The following KIF5C variants were observed in gnomAD, a reference collection of about 807,000 sequenced individuals.
KIF5C encodes kinesin family member 5C.
A neutral mutation model predicts 125.2 loss-of-function variants in KIF5C; 18 were observed. The ratio of observed to expected loss-of-function variants is 0.14; its 90% CI spans 0.10 to 0.21. The LOEUF is 0.21. Among genes scored for constraint, KIF5C ranks in the 10% least tolerant of loss-of-function variants. The pLI, the probability that KIF5C is intolerant of heterozygous loss-of-function variation, is 1.00. For synonymous variants in KIF5C, 405 were observed against 434.0 expected (o/e 0.93, Z 0.83); for missense variants, 780 against 1,183.8 (o/e 0.66, Z 5.01).
Position 148,950,004 on chromosome 2 carries a change from A to G in KIF5C, c.819+61A>G, listed in dbSNP as rs112276457. 7.7e-4 allele frequency: 1,199 copies of G among 1,552,404 alleles called. 9 individuals are homozygous for G. The African/African-American group carries it at 0.015, about 20-fold the overall frequency. ...ATGAGAAACCACCTTTTGGGGCCTCATAGTCCCTTTGCCACACACCCCAAA... is the reference window on the plus strand; with the variant it reads ...ATGAGAAACCACCTTTTGGGGCCTCGTAGTCCCTTTGCCACACACCCCAAA... On this transcript the variant is annotated intron_variant, in intron 9 of 25. Transcript: ENST00000435030.
chr2:148,875,591 C>T lies in KIF5C; in HGVS notation c.-27C>T, dbSNP rs1558866671. On this transcript the variant is annotated 5_prime_UTR_variant, in exon 1 of 26. Coordinates refer to ENST00000435030, the MANE Select transcript of KIF5C (RefSeq NM_004522.3). ...CCGGCCCCGGCCCCCCACCCATCCC[C>T]GTGCCCCCTCCCTACCGCCGGCCGA... The T allele has an allele frequency of 1.4e-6, 2 of 1,385,730 alleles. No individual in the cohort carries two copies. Among genetic ancestry groups the T allele is most frequent in the Non-Finnish European group, 2.0e-6 (2 of 1,005,438 alleles). 85.8% of individuals were successfully genotyped at this position (1,385,730 alleles called of 1,614,324 possible).
intron 11 of KIF5C, among the ~76,000 whole-genome samples, chr2:148,968,229 T>G (rs1173868543): frequency 3.9e-5 from 6 of 152,180 alleles, no homozygotes; most frequent in Non-Finnish European, 5.9e-5. Context: ...GCTGAAGTCA[T>G]GCAAAGAAAT....
intron 1 of KIF5C, among the ~76,000 whole-genome samples, chr2:148,896,054 A>G (rs1468422209): frequency 6.6e-6 from 1 of 152,172 alleles, no homozygotes; most frequent in African/African-American, 2.4e-5. Context: ...TTCAACAGTT[A>G]AATTTTGGGG....
At chr2:148,931,705 C>A (rs928609613) in intron 3 of KIF5C, among the ~76,000 whole-genome samples, 1 of 152,040 alleles carries the variant, frequency 6.6e-6, no homozygotes, top group Non-Finnish European at 1.5e-5. Flanking sequence ...AAAACCAAAA[C>A]CAAAAACAAA....
chr2:148,875,569 G>GCCCCCGCCCCCCCCCCCCC lies in KIF5C; in HGVS notation c.-45_-44insCGCCCCCCCCCCCCCCCCC. 3 of 689,868 alleles carry GCCCCCGCCCCCCCCCCCCC rather than the reference G, an allele frequency of 4.3e-6. No homozygotes were observed. The highest frequency in any genetic ancestry group is 4.2e-5 in the Admixed American group (2 of 47,388). 42.7% of individuals were successfully genotyped at this position (689,868 alleles called of 1,614,324 possible). Reference sequence around the variant, plus strand: ...GCGGCCTCCTCCCTCGTCGTTCCCGGCCCCGGCCCCCCACCCATCCCCGTG... The same window carrying GCCCCCGCCCCCCCCCCCCC: ...GCGGCCTCCTCCCTCGTCGTTCCCGGCCCCCGCCCCCCCCCCCCCCCCCGGCCCCCCACCCATCCCCGTG... On this transcript the variant is annotated 5_prime_UTR_variant, in exon 1 of 26. Transcript: ENST00000435030.
rs970346237 is a variant in KIF5C at position 149,010,173 on chromosome 2, C to T, written c.2589C>T (p.Pro863=). Residue 863 remains proline (P), a synonymous_variant, in exon 24 of 26, where the codon CCC becomes CCT. Coordinates refer to ENST00000435030, the MANE Select transcript of KIF5C (RefSeq NM_004522.3). Reference sequence around the variant, plus strand: ...ACGCAGACCTGCGCTGTGAACTGCCCAAGCTGGAGAAGCGGCTGCGTGCCA... The same window carrying T: ...ACGCAGACCTGCGCTGTGAACTGCCTAAGCTGGAGAAGCGGCTGCGTGCCA... The part of the protein sequence containing the change: ...RDNADLRCEL[P]KLEKRLRATA... 6.4e-7 allele frequency: 1 copy of T among 1,552,932 alleles called. No homozygotes were observed. The highest frequency in any genetic ancestry group is 1.4e-5 in the African/African-American group (1 of 73,106).
chr2:148,930,625 A>G (rs2105092686), intron 3 of KIF5C, among the ~76,000 whole-genome samples: 1 of 152,306 alleles, frequency 6.6e-6, no homozygotes, highest in African/African-American at 2.4e-5. Context: ...GCACGAGGCT[A>G]AAATCCTCAG....
Position 148,875,668 on chromosome 2 carries a change from C to A in KIF5C, c.51C>A (p.Pro17=), listed in dbSNP as rs371243025. ...TCAAAGTGATGTGCCGGTTCCGGCC[C>A]CTCAACGAAGCGGAGATCCTCCGCG... The part of the protein sequence containing the change: ...CSIKVMCRFR[P]LNEAEILRGD... Residue 17 remains proline (P), a synonymous_variant, in exon 1 of 26, where the codon CCC becomes CCA. Coordinates refer to ENST00000435030, the MANE Select transcript of KIF5C (RefSeq NM_004522.3). The A allele has an allele frequency of 1.1e-5, 18 of 1,578,968 alleles. No homozygotes were observed. The highest frequency in any genetic ancestry group is 1.5e-5 in the Non-Finnish European group (18 of 1,162,700).
chr2:148,884,511 A>T (rs1198249476), intron 1 of KIF5C: 1 of 152,206 alleles, frequency 6.6e-6, no homozygotes, highest in East Asian at 1.9e-4. Context: ...AAAAGTACTT[A>T]TCAACCAGTT....
intron 16 of KIF5C, 133 bp from the exon 17 acceptor site, chr2:148,994,288 C>T (rs1013571891): frequency 1.6e-6 from 2 of 1,232,470 alleles, no homozygotes; most frequent in Admixed American, 5.4e-5. Context: ...GTAAAATGGG[C>T]ACCATTTGGT....
At position 148,981,418 on chromosome 2, in the gene KIF5C, G is replaced by C. The variant is rs1681232170; in HGVS notation, c.1426G>C (p.Glu476Gln). The C allele has an allele frequency of 6.2e-7, 1 of 1,610,914 alleles. No individual in the cohort carries two copies. Among genetic ancestry groups the C allele is most frequent in the Non-Finnish European group, 8.5e-7 (1 of 1,178,646 alleles). Residue 476 changes from glutamate to glutamine, a missense_variant, in exon 14 of 26, where the codon GAA becomes CAA. Physicochemically the swap from Glu to Gln is conservative, Grantham distance 29. Transcript: ENST00000435030. Reference protein sequence around the residue: ...IQEELTRLQIENEAAKDEVKE... With the variant: ...IQEELTRLQIQNEAAKDEVKE... Reference sequence around the variant, plus strand: ...GGAGGAGCTGACACGTCTCCAGATTGAAAATGAGGCAGCCAAGGATGAGGT... The same window carrying C: ...GGAGGAGCTGACACGTCTCCAGATTCAAAATGAGGCAGCCAAGGATGAGGT...
At position 148,962,029 on chromosome 2, in the gene KIF5C, A is replaced by C. The variant is rs775140734; in HGVS notation, c.1027A>C (p.Lys343Gln). The change falls in exon 11 of 26, where the codon AAG (lysine) becomes CAG (glutamine). Residue 343 changes from lysine (K) to glutamine (Q), a missense_variant. Physicochemically the swap from Lys to Gln is moderately conservative, Grantham distance 53. Coordinates refer to ENST00000435030, the MANE Select transcript of KIF5C (RefSeq NM_004522.3). ...VNLELTAEEW[K>Q]KKYEKEKEKN... ...CCTAGAACTGACAGCAGAAGAATGG[A>C]AGAAGAAATATGAAAAAGAGAAAGA... 1 of 1,614,024 alleles carries C rather than the reference A, an allele frequency of 6.2e-7. No homozygotes were observed. Among genetic ancestry groups the C allele is most frequent in the South Asian group, 1.1e-5 (1 of 91,068 alleles).
intron 21 of KIF5C, among the ~76,000 whole-genome samples, chr2:149,002,081 C>G (rs1681866422): frequency 6.6e-6 from 1 of 152,132 alleles, no homozygotes; most frequent in African/African-American, 2.4e-5. Flanking sequence ...CCGGGGAACC[C>G]GAAATGAAGC....
At chr2:148,992,335 A>G (rs1681549665) in intron 16 of KIF5C, among the ~76,000 whole-genome samples, 1 of 152,242 alleles carries the variant, frequency 6.6e-6, no homozygotes, top group Admixed American at 6.5e-5. Flanking sequence ...AGCACCGTGG[A>G]AATCAGAAAC....
At chr2:149,013,307 C>T (rs1417859699) in intron 25 of KIF5C, among the ~76,000 whole-genome samples, 1 of 152,172 alleles carries the variant, frequency 6.6e-6, no homozygotes, top group African/African-American at 2.4e-5. Context: ...TTTCAGCCAT[C>T]ATGCCTACAT....
chr2:148,936,241 C>CCACTG (rs1197920454), intron 3 of KIF5C, among the ~76,000 whole-genome samples: 2 of 152,204 alleles, frequency 1.3e-5, no homozygotes, highest in Non-Finnish European at 2.9e-5. Flanking sequence ...TAAGACTGCA[C>CCACTG]CACTGCACTG....
chr2:148,875,470 C>G lies in KIF5C; in HGVS notation c.-148C>G. The G allele has an allele frequency of 3.1e-6, 2 of 647,846 alleles. No homozygotes were observed. Among genetic ancestry groups the G allele is most frequent in the Non-Finnish European group, 5.3e-6 (2 of 380,184 alleles). 40.1% of individuals were successfully genotyped at this position (647,846 alleles called of 1,614,324 possible). On this transcript the variant is annotated 5_prime_UTR_variant, in exon 1 of 26. Transcript: ENST00000435030. ...GAGCGGCCGGGGCTGCTCAGCCGGC[C>G]GGGCTCGCGATGACCTGCTGAGAAG...
chr2:148,952,721 AT>A, intron 10 of KIF5C, among the ~76,000 whole-genome samples: 1 of 152,204 alleles, frequency 6.6e-6, no homozygotes, highest in African/African-American at 2.4e-5. Context: ...ATATATAATA[AT>A]GCCTACTTTC....
chr2:148,991,068 G>C lies in KIF5C; in HGVS notation c.1775G>C (p.Ser592Thr). ...TTTACCATGGCCCGCCTGTACATCA[G>C]CAAGATGAAGTCAGAGGTCAAGTCC... is the stretch of plus-strand genomic sequence containing the variant. ...EEFTMARLYI[S>T]KMKSEVKSLV... The change falls in exon 16 of 26, where the codon AGC becomes ACC. Residue 592 changes from serine to threonine, a missense_variant. By Grantham distance (58) the Ser-to-Thr change is moderately conservative. This residue lies in a region of KIF5C where 573 missense variants were observed against 742.6 expected (regional missense o/e 0.77). Coordinates refer to ENST00000435030, the MANE Select transcript of KIF5C (RefSeq NM_004522.3). 6.2e-7 allele frequency: 1 copy of C among 1,613,828 alleles called. No individual in the cohort carries two copies. Among genetic ancestry groups the C allele is most frequent in the Non-Finnish European group, 8.5e-7 (1 of 1,179,820 alleles).
Sources: gnomAD v4.1 joint callset for allele counts (sites outside exome capture counted in the v4.1 genomes callset) on GRCh38, gnomAD v4.1.1 for gene constraint, gnomAD v4.1.1 regional missense constraint, MANE v1.5 for transcripts, NCBI Gene and HGNC (gene_info 2026-07-23, HGNC 2026-07-21) for gene names.